Variants in FOXP2 observed in about 807,000 individuals in gnomAD.
FOXP2 encodes forkhead box P2, also known as forkhead box protein P2.
FOXP2 carries 12 observed loss-of-function variants against 115.8 expected under a neutral mutation model. The ratio of observed to expected loss-of-function variants is 0.10; its 90% confidence interval spans 0.07 to 0.17. The LOEUF is 0.17. FOXP2 is among the 10% of genes least tolerant of loss of function. FOXP2 has a pLI of 1.00. For synonymous variants in FOXP2, 328 were observed against 297.7 expected (o/e 1.10, Z -1.05); for missense variants, 629 against 843.5 (o/e 0.75, Z 3.15).
At chr7:114,546,826 T>C (rs766670627) in intron 3 of FOXP2, among the ~76,000 whole-genome samples, 5 of 152,386 alleles carry the variant, frequency 3.3e-5, no homozygotes, top group Non-Finnish European at 7.3e-5. Flanking sequence ...CTCTAAATCT[T>C]TTCATGTCAG....
intron 1 of FOXP2, among the ~76,000 whole-genome samples, chr7:114,251,340 A>G (rs538728195): frequency 6.6e-6 from 1 of 152,308 alleles, no homozygotes; most frequent in African/African-American, 2.4e-5. Context: ...GAAGAAAGTC[A>G]TTGGTAGCTT....
At chr7:114,469,775 T>C (rs959627019) in intron 2 of FOXP2, among the ~76,000 whole-genome samples, 4 of 152,170 alleles carry the variant, frequency 2.6e-5, no homozygotes, top group Non-Finnish European at 5.9e-5. Context: ...TCTGTAATAA[T>C]TTTTTGCAAT....
At chr7:114,655,061 A>T (rs114406474) in intron 10 of FOXP2, among the ~76,000 whole-genome samples, 101 of 152,280 alleles carry the variant, frequency 6.6e-4, no homozygotes, top group African/African-American at 2.4e-3. Flanking sequence ...AAGAAAAAAG[A>T]CATGTATCTT....
At chr7:114,568,222 CAG>C (rs1801117576) in intron 3 of FOXP2, among the ~76,000 whole-genome samples, 1 of 151,812 alleles carries the variant, frequency 6.6e-6, no homozygotes, top group Non-Finnish European at 1.5e-5. Context: ...AGATTAATGA[CAG>C]TATCATTTTA....
At chr7:114,328,818 G>T in intron 2 of FOXP2, among the ~76,000 whole-genome samples, 1 of 152,154 alleles carries the variant, frequency 6.6e-6, no homozygotes, top group East Asian at 1.9e-4. Flanking sequence ...GGTATCAAAA[G>T]GAATAGCCTC....
At chr7:114,162,585 C>A (rs1160829798), upstream of FOXP2, among the ~76,000 whole-genome samples, 1 of 151,800 alleles carries the variant, frequency 6.6e-6, no homozygotes, top group African/African-American at 2.4e-5. Flanking sequence ...GTAAAAATAT[C>A]TCATACCTAA....
intron 2 of FOXP2, among the ~76,000 whole-genome samples, chr7:114,340,390 T>G (rs956429732): frequency 2.0e-5 from 3 of 151,176 alleles, no homozygotes; most frequent in Non-Finnish European, 3.0e-5. Context: ...TTAGCCCTTG[T>G]GTTGTGGTCA....
At chr7:114,498,744 A>C in intron 2 of FOXP2, 1 of 662,800 alleles carries the variant, frequency 1.5e-6, no homozygotes, top group Non-Finnish European at 2.8e-6. Flanking sequence ...ATTATAAGCT[A>C]TTCAGCAGCA....
At chr7:114,144,378 G>A (rs913327211) in intron 1 of FOXP2, among the ~76,000 whole-genome samples, 3 of 152,068 alleles carry the variant, frequency 2.0e-5, no homozygotes, top group African/African-American at 7.2e-5. Context: ...TGAGCAATCA[G>A]ATAAACCTTT....
At chr7:114,454,768 A>G (rs1161760879) in intron 2 of FOXP2, among the ~76,000 whole-genome samples, 3 of 131,824 alleles carry the variant, frequency 2.3e-5, no homozygotes, top group African/African-American at 9.3e-5. Context: ...CTATCACAAG[A>G]ACAAAAAACC....
chr7:114,313,389 A>G (rs998013113), intron 2 of FOXP2, among the ~76,000 whole-genome samples: 1 of 152,220 alleles, frequency 6.6e-6, no homozygotes, highest in African/African-American at 2.4e-5. Context: ...TTTGGTAAAG[A>G]TGCCACAGAA....
At chr7:114,254,585 C>T (rs1181311362) in intron 1 of FOXP2, among the ~76,000 whole-genome samples, 1 of 152,216 alleles carries the variant, frequency 6.6e-6, no homozygotes, top group Non-Finnish European at 1.5e-5. Flanking sequence ...TTGATCAAAT[C>T]AGCTACTGAA....
At chr7:114,327,606 A>G (rs1416579748) in intron 2 of FOXP2, among the ~76,000 whole-genome samples, 1 of 151,138 alleles carries the variant, frequency 6.6e-6, no homozygotes, top group Non-Finnish European at 1.5e-5. Flanking sequence ...GGTTCAAGCG[A>G]TTCTCCTGCC....
chr7:114,096,563 A>G (rs922741382), intron 1 of FOXP2, among the ~76,000 whole-genome samples: 2 of 152,178 alleles, frequency 1.3e-5, no homozygotes, highest in Non-Finnish European at 2.9e-5. Flanking sequence ...AGATTTTTAC[A>G]TCTTTTCTCT....
intron 1 of FOXP2, among the ~76,000 whole-genome samples, chr7:114,228,362 A>T (rs1256587325): frequency 6.6e-6 from 1 of 151,994 alleles, no homozygotes; most frequent in Non-Finnish European, 1.5e-5. Context: ...TGGTGCCTTT[A>T]TTAGCTTTTC....
In FOXP2 at chr7:114,691,906, C is replaced by T. The variant is rs1808685015; in HGVS notation, c.*1980C>T. On this transcript the variant is annotated 3_prime_UTR_variant, in exon 17 of 17. Transcript: ENST00000350908. ...AGGGTTTTCCCACTTACCCAAAAGG[C>T]TTTCTGAAAGCTTCTACCTCTGCAA... 2.3e-6 allele frequency: 1 copy of T among 440,078 alleles called. No individual in the cohort carries two copies. Among genetic ancestry groups the T allele is most frequent in the Non-Finnish European group, 4.5e-6 (1 of 223,712 alleles). 27.3% of individuals were successfully genotyped at this position (440,078 alleles called of 1,614,324 possible).
Position 114,398,604 on chromosome 7 carries a change from C to T in FOXP2, c.-10-27898C>T, listed in dbSNP as rs541773374. Among the ~76,000 whole-genome samples the T allele has an allele frequency of 2.8e-4, 42 of 152,240 alleles. 1 individual carries two copies. The highest frequency in any genetic ancestry group is 9.4e-4 in the African/African-American group (39 of 41,542). On this transcript the variant is annotated intron_variant, in intron 2 of 17. Coordinates refer to the FOXP2 transcript ENST00000634411. Reference sequence around the variant, plus strand: ...ATAAATTACAAACAATAATGCCATACGATTGCTTTATTAGGAATATTTTTA... The same window carrying T: ...ATAAATTACAAACAATAATGCCATATGATTGCTTTATTAGGAATATTTTTA...
intron 2 of FOXP2, among the ~76,000 whole-genome samples, chr7:114,388,923 A>C (rs1792522117): frequency 6.6e-6 from 1 of 152,256 alleles, no homozygotes; most frequent in Non-Finnish European, 1.5e-5. Flanking sequence ...AGAATGCATC[A>C]GTAAAATAGA....
chr7:114,620,039 G>A (rs1249168726), intron 3 of FOXP2, among the ~76,000 whole-genome samples: 3 of 151,924 alleles, frequency 2.0e-5, no homozygotes, highest in Non-Finnish European at 2.9e-5. Flanking sequence ...TAAATAAAAC[G>A]TGCTTAGTAA....
Sources: gnomAD v4.1 joint callset for allele counts (sites outside exome capture counted in the v4.1 genomes callset) on GRCh38, gnomAD v4.1.1 for gene constraint, MANE v1.5 for transcripts, NCBI Gene and HGNC (gene_info 2026-07-23, HGNC 2026-07-21) for gene names.